GLYAT: variants seen among roughly 807,000 people sequenced by gnomAD.
GLYAT encodes the protein glycine-N-acyltransferase.
A neutral mutation model predicts 22.8 loss-of-function variants in GLYAT; 25 were observed. The ratio of observed to expected loss-of-function variants is 1.09; its 90% CI spans 0.80 to 1.53. The LOEUF is 1.53. Among genes scored for constraint, GLYAT ranks in the 40% most tolerant of loss-of-function variants. The pLI, the probability that GLYAT is intolerant of heterozygous loss-of-function variation, is 0.00. For synonymous variants in GLYAT, 140 were observed against 122.7 expected, an observed-to-expected ratio of 1.14 and a Z score of -0.93; for missense variants, 411 against 353.9, an observed-to-expected ratio of 1.16 and a Z score of -1.29.
At chr11:58,729,625 G>A (rs1270603314) in intron 1 of GLYAT, among the ~76,000 whole-genome samples, 1 of 152,030 alleles carries the variant, frequency 6.6e-6, no homozygotes, top group African/African-American at 2.4e-5. Context: ...TTAATTGTCT[G>A]TCTAATCACT....
At chr11:58,710,865 G>A in intron 4 of GLYAT, 104 bp from the exon 5 acceptor site, 2 of 731,392 alleles carry the variant, frequency 2.7e-6, no homozygotes, top group Admixed American at 4.1e-5. Flanking sequence ...TAAAATCTTG[G>A]TTCTGGGCTT....
At chr11:58,728,047 C>T (rs1856827477) in intron 1 of GLYAT, among the ~76,000 whole-genome samples, 1 of 130,832 alleles carries the variant, frequency 7.6e-6, no homozygotes, top group Admixed American at 7.8e-5. Flanking sequence ...CCTTCTTGCT[C>T]TAAAGCTTTT....
At chr11:58,718,607 C>T (rs1479099896) in intron 2 of GLYAT, among the ~76,000 whole-genome samples, 6 of 151,154 alleles carry the variant, frequency 4.0e-5, no homozygotes, top group African/African-American at 9.7e-5. Flanking sequence ...CACAAGGCAA[C>T]AATTTTCCAT....
intron 4 of GLYAT, among the ~76,000 whole-genome samples, chr11:58,711,401 C>G (rs1022804050): frequency 6.6e-6 from 1 of 152,130 alleles, no homozygotes; most frequent in African/African-American, 2.4e-5. Flanking sequence ...TGTACCCTTT[C>G]TGCAGAAAGT....
At chr11:58,719,477 GTTCC>G (rs1428981331) in intron 2 of GLYAT, among the ~76,000 whole-genome samples, 2 of 151,912 alleles carry the variant, frequency 1.3e-5, no homozygotes, top group African/African-American at 4.8e-5. Flanking sequence ...TTTCATCAGT[GTTCC>G]TTTGACATTA....
In GLYAT at chr11:58,715,328, G is replaced by GCAGA; in HGVS notation, c.173_176dup (p.Pro60LeufsTer10). ...CATGGAAACTTACCTGCTCCTGAGG[G>GCAGA]CAGACAACCACTGTATTAAAATCAG... is the stretch of plus-strand genomic sequence containing the variant. On this transcript the variant is annotated frameshift_variant, in exon 3 of 6. Transcript: ENST00000344743. LOFTEE classifies it high-confidence loss of function. The GCAGA allele has an allele frequency of 1.3e-6, 2 of 1,500,124 alleles. No homozygotes were observed. The highest frequency in any genetic ancestry group is 1.9e-6 in the Non-Finnish European group (2 of 1,077,150). The allele number at this position is 1,500,124 out of a possible 1,614,324, so 92.9% of individuals were successfully genotyped here.
intron 1 of GLYAT, among the ~76,000 whole-genome samples, chr11:58,724,902 G>A (rs1856796866): frequency 1.3e-5 from 2 of 152,116 alleles, no homozygotes; most frequent in Non-Finnish European, 1.5e-5. Context: ...TGGGATAATA[G>A]CACTATATCA....
At chr11:58,727,763 C>T (rs1015862099) in intron 1 of GLYAT, among the ~76,000 whole-genome samples, 2 of 152,098 alleles carry the variant, frequency 1.3e-5, no homozygotes, top group African/African-American at 4.8e-5. Flanking sequence ...ATGTGACCTT[C>T]TAGGGATATT....
chr11:58,720,369 T>C (rs965973177), intron 2 of GLYAT, among the ~76,000 whole-genome samples: 2 of 152,142 alleles, frequency 1.3e-5, no homozygotes, highest in East Asian at 1.9e-4. Flanking sequence ...ATTTTAATTG[T>C]TTACCTGGAT....
chr11:58,727,177 T>A (rs1856819835), intron 1 of GLYAT, among the ~76,000 whole-genome samples: 1 of 152,114 alleles, frequency 6.6e-6, no homozygotes, highest in Admixed American at 6.6e-5. Flanking sequence ...TTTTTGGCAA[T>A]GTACCAACAG....
At chr11:58,723,255 T>A (rs1188266600) in intron 2 of GLYAT, among the ~76,000 whole-genome samples, 1 of 151,976 alleles carries the variant, frequency 6.6e-6, no homozygotes, top group Non-Finnish European at 1.5e-5. Context: ...CCAAAAAAAA[T>A]GTTCTGTCTC....
chr11:58,717,553 GA>G (rs970726042), intron 2 of GLYAT, among the ~76,000 whole-genome samples: 15 of 146,890 alleles, frequency 1.0e-4, no homozygotes, highest in South Asian at 2.1e-4. Context: ...TAGGAAAAAT[GA>G]AAAAAAAAGA....
rs1310407303 is a variant in GLYAT at position 58,728,889 on chromosome 11, A to AGAAAGAAGGAAGGAGG, written c.-16+2945_-16+2946insCCTCCTTCCTTCTTTC. On this transcript the variant is annotated intron_variant, in intron 1 of 5. Transcript: ENST00000344743. ...AAGAAAGAAAGAAAGAAAGAAAGAA[A>AGAAAGAAGGAAGGAGG]GAAGGAAGGAAGGAAGGAAGGAAGG... Among the ~76,000 whole-genome samples, 24 of 101,308 alleles carry AGAAAGAAGGAAGGAGG rather than the reference A, an allele frequency of 2.4e-4. 1 individual carries two copies. Among genetic ancestry groups the AGAAAGAAGGAAGGAGG allele is most frequent in the Middle Eastern group, 4.8e-3 (1 of 208 alleles). 66.5% of individuals were successfully genotyped at this position (101,308 alleles called of 152,430 possible). A position where few individuals can be genotyped will look rare whatever the true frequency, so the allele number is the denominator to read the frequency against.
rs754884548 is a variant in GLYAT at position 58,710,747 on chromosome 11, G to A, written c.331C>T (p.Leu111=). Residue 111 remains leucine (L), a synonymous_variant, in exon 5 of 6, where the codon CTG becomes TTG. Coordinates refer to ENST00000344743, the MANE Select transcript of GLYAT (RefSeq NM_201648.3). ...HLQIQSSQPS[L]NEAIQNLAAI... is the part of the protein sequence containing the mutation. The stretch of plus-strand genomic sequence containing the variant: ...GCAAGATTTTGTATAGCCTCATTCA[G>A]GCTAGGCTGTGAACCTAGACGGTAT... The A allele has an allele frequency of 1.6e-5, 26 of 1,604,588 alleles. No individual in the cohort carries two copies. Among genetic ancestry groups the A allele is most frequent in the Non-Finnish European group, 2.1e-5 (25 of 1,171,552 alleles).
chr11:58,724,593 T>C (rs1856792815), intron 1 of GLYAT, 82 bp from the exon 2 acceptor site: 1 of 538,914 alleles, frequency 1.9e-6, no homozygotes, highest in Non-Finnish European at 2.7e-6. Context: ...TCTTTATTAA[T>C]GACCAGGTTT....
Position 58,715,442 on chromosome 11 carries a change from T to C in GLYAT, c.82-19A>G, listed in dbSNP as rs1346535596. On this transcript the variant is annotated intron_variant, in intron 2 of 5. Coordinates refer to ENST00000344743, the MANE Select transcript of GLYAT (RefSeq NM_201648.3). ...CATAAACCTGCAGGATCCCAAGAAATTGACAGGGTTGGTTTATTTGAAAAA... is the reference window on the plus strand; with the variant it reads ...CATAAACCTGCAGGATCCCAAGAAACTGACAGGGTTGGTTTATTTGAAAAA... 9.1e-7 allele frequency: 1 copy of C among 1,104,560 alleles called. No homozygotes were observed. The highest frequency in any genetic ancestry group is 1.4e-6 in the Non-Finnish European group (1 of 723,290). The allele number at this position is 1,104,560 out of a possible 1,614,324, so 68.4% of individuals were successfully genotyped here. A position where few individuals can be genotyped will look rare whatever the true frequency, so the allele number is the denominator to read the frequency against.
At chr11:58,720,255 A>G (rs1236684163) in intron 2 of GLYAT, among the ~76,000 whole-genome samples, 3 of 152,010 alleles carry the variant, frequency 2.0e-5, no homozygotes, top group Admixed American at 2.0e-4. Flanking sequence ...TTATGGGAAG[A>G]TACCCAAATA....
At chr11:58,728,679 G>C (rs1305213959) in intron 1 of GLYAT, 1 of 151,866 alleles carries the variant, frequency 6.6e-6, no homozygotes, top group Non-Finnish European at 1.5e-5. Flanking sequence ...GAAGTTTTCA[G>C]GTTGAAGTTC....
chr11:58,724,590 T>A, intron 1 of GLYAT, 79 bp from the exon 2 acceptor site: 1 of 596,562 alleles, frequency 1.7e-6, no homozygotes, highest in African/African-American at 3.7e-5. Flanking sequence ...AGTTCTTTAT[T>A]AATGACCAGG....
Sources: gnomAD v4.1 joint callset for allele counts (sites outside exome capture counted in the v4.1 genomes callset) on GRCh38, gnomAD v4.1.1 for gene constraint, MANE v1.5 for transcripts, NCBI Gene and HGNC (gene_info 2026-07-23, HGNC 2026-07-21) for gene names.